Variants in ANKHD1 observed in about 807,000 individuals in gnomAD.
The protein encoded by ANKHD1 is ankyrin repeat and KH domain containing 1.
In ANKHD1, 31 loss-of-function variants were observed where a neutral mutation model predicts 230.5. The ratio of observed to expected loss-of-function variants is 0.13; its 90% CI spans 0.10 to 0.18. The LOEUF is 0.18. Among genes scored for constraint, ANKHD1 ranks in the 10% least tolerant of loss-of-function variants. The pLI, the probability that ANKHD1 is intolerant of heterozygous loss-of-function variation, is 1.00. For missense variants in ANKHD1, 2,256 were observed against 3,071.3 expected (o/e 0.73, Z 6.27); for synonymous variants, 1,074 against 1,117.6 (o/e 0.96, Z 0.78).
At chr5:140,476,906 C>T (rs72798881) in intron 10 of ANKHD1, among the ~76,000 whole-genome samples, 8,322 of 152,042 alleles carry the variant, frequency 0.055, 338 homozygotes, top group Non-Finnish European at 0.08. Context: ...TTAAAAGCCA[C>T]GCTAGAGTCT....
intron 24 of ANKHD1, among the ~76,000 whole-genome samples, chr5:140,514,546 C>T (rs1160176674): frequency 1.3e-5 from 2 of 152,086 alleles, no homozygotes; most frequent in Non-Finnish European, 2.9e-5. Flanking sequence ...GACCAATATT[C>T]TTAATAATAT....
intron 2 of ANKHD1, 58 bp from the exon 3 acceptor site, chr5:140,438,403 C>A: frequency 6.9e-7 from 1 of 1,459,822 alleles, no homozygotes; most frequent in South Asian, 1.5e-5. Context: ...ACAATTTGCA[C>A]TTTTATACTT....
At chr5:140,468,643 GTA>G (rs1257338046) in intron 10 of ANKHD1, among the ~76,000 whole-genome samples, 8 of 152,168 alleles carry the variant, frequency 5.3e-5, no homozygotes, top group Non-Finnish European at 8.8e-5. Flanking sequence ...AATATATTGT[GTA>G]TCTCTCTAGA....
intron 14 of ANKHD1, among the ~76,000 whole-genome samples, chr5:140,492,522 C>T (rs1751853214): frequency 6.6e-6 from 1 of 152,196 alleles, no homozygotes; most frequent in South Asian, 2.1e-4. Context: ...ACACATCATA[C>T]ATCTGTTTAT....
chr5:140,433,277 G>A (rs944003685), intron 1 of ANKHD1, among the ~76,000 whole-genome samples: 1 of 152,194 alleles, frequency 6.6e-6, no homozygotes, highest in Admixed American at 6.5e-5. Flanking sequence ...TGTTGGCCAG[G>A]CTAGTCTTGA....
intron 11 of ANKHD1, among the ~76,000 whole-genome samples, chr5:140,484,235 A>G (rs1170164234): frequency 2.0e-5 from 3 of 152,226 alleles, no homozygotes. Context: ...GATAGGTAGA[A>G]TTAAGAAGGA....
intron 10 of ANKHD1, among the ~76,000 whole-genome samples, chr5:140,475,975 C>T (rs1289986085): frequency 1.3e-5 from 2 of 152,052 alleles, no homozygotes; most frequent in Non-Finnish European, 2.9e-5. Context: ...GAATTATGAA[C>T]ATGTTTATTT....
At chr5:140,515,751 A>C (rs536925110) in intron 24 of ANKHD1, among the ~76,000 whole-genome samples, 189 of 152,320 alleles carry the variant, frequency 1.2e-3, no homozygotes, top group African/African-American at 4.4e-3. Flanking sequence ...TGTTAGAAGG[A>C]AAACTAACAA....
intron 22 of ANKHD1, 29 bp from the exon 23 acceptor site, chr5:140,512,799 C>T (rs771029246): frequency 2.3e-5 from 36 of 1,538,610 alleles, no homozygotes; most frequent in Non-Finnish European, 2.8e-5. Flanking sequence ...TTCATGCTAC[C>T]TTGTCTAAGA....
At chr5:140,477,343 A>G (rs1751023036) in intron 10 of ANKHD1, among the ~76,000 whole-genome samples, 1 of 152,240 alleles carries the variant, frequency 6.6e-6, no homozygotes, top group Non-Finnish European at 1.5e-5. Flanking sequence ...AATGAAACTG[A>G]TGAATCAAAC....
At position 140,528,580 on chromosome 5, in the gene ANKHD1, A is replaced by G; in HGVS notation, c.5634A>G (p.Gly1878=). The change falls in exon 29 of 34, where the codon GGA becomes GGG. Residue 1878 remains glycine (G), a synonymous_variant. Coordinates refer to ENST00000360839, the MANE Select transcript of ANKHD1 (RefSeq NM_017747.3). ...RHPRLPMAQF[G]GTFSPSPNTW... ...CTCGCTTACCCATGGCCCAGTTTGGAGGAACCTTCTCACCTTCTCCTAACA... is the reference window on the plus strand; with the variant it reads ...CTCGCTTACCCATGGCCCAGTTTGGGGGAACCTTCTCACCTTCTCCTAACA... 1 of 1,614,120 alleles carries G rather than the reference A, an allele frequency of 6.2e-7. No individual in the cohort carries two copies.
chr5:140,513,396 A>G lies in ANKHD1; in HGVS notation c.4234A>G (p.Thr1412Ala), dbSNP rs1315657743. 2.5e-6 allele frequency: 4 copies of G among 1,612,878 alleles called. No homozygotes were observed. Among genetic ancestry groups the G allele is most frequent in the African/African-American group, 1.3e-5 (1 of 74,894 alleles). ...LLKKCHQCVE[T>A]IVKAKDQQAA... ...GAAAAAATGTCATCAATGTGTCGAA[A>G]CCATTGTGAAGGCTAAAGACCAGCA... Residue 1412 changes from threonine to alanine, a missense_variant, in exon 24 of 34, where the codon ACC (threonine) becomes GCC (alanine). By Grantham distance (58) the Thr-to-Ala change is moderately conservative. This residue lies in a region of ANKHD1 where 195 missense variants were observed against 340.3 expected (regional missense o/e 0.57). Transcript: ENST00000360839.
rs1331656829 is a variant in ANKHD1, at chr5:140,491,156, A to T, written c.2245+4096A>T. On this transcript the variant is annotated intron_variant, in intron 14 of 33. Transcript: ENST00000360839. ...TATATACACATATATATATATATATATATATTTTTTTTTTTTTTTTTTTTT... is the reference window on the plus strand; with the variant it reads ...TATATACACATATATATATATATATTTATATTTTTTTTTTTTTTTTTTTTT... Among the ~76,000 whole-genome samples, 528 of 94,826 alleles carry T rather than the reference A, an allele frequency of 5.6e-3. 19 individuals are homozygous for T. The highest frequency in any genetic ancestry group is 0.022 in the African/African-American group (488 of 22,470). The allele number at this position is 94,826 out of a possible 152,430, so 62.2% of individuals were successfully genotyped here.
chr5:140,512,266 A>G (rs1752806076), intron 22 of ANKHD1, among the ~76,000 whole-genome samples: 2 of 151,998 alleles, frequency 1.3e-5, no homozygotes, highest in African/African-American at 4.8e-5. Context: ...ATATGCTTAG[A>G]ATTGATTACA....
At chr5:140,500,735 A>C (rs1474993199) in intron 15 of ANKHD1, among the ~76,000 whole-genome samples, 2 of 151,992 alleles carry the variant, frequency 1.3e-5, no homozygotes, top group African/African-American at 2.4e-5. Flanking sequence ...AACTCAGTTC[A>C]GCCAAGTTTA....
At chr5:140,475,746 A>G (rs770140355) in intron 10 of ANKHD1, among the ~76,000 whole-genome samples, 9 of 152,218 alleles carry the variant, frequency 5.9e-5, no homozygotes. Flanking sequence ...ATGGACTCCA[A>G]GAGCCAGACT....
At chr5:140,509,123 GTCTT>G (rs1221069934) in intron 20 of ANKHD1, among the ~76,000 whole-genome samples, 1 of 152,104 alleles carries the variant, frequency 6.6e-6, no homozygotes, top group African/African-American at 2.4e-5. Flanking sequence ...AGAGAAATGA[GTCTT>G]TCCTGTCATT....
In ANKHD1 at chr5:140,504,893, G is replaced by C. The variant is rs181178626; in HGVS notation, c.3077G>C (p.Cys1026Ser). Residue 1026 changes from cysteine (C) to serine (S), a missense_variant, in exon 16 of 34, where the codon TGT becomes TCT. Cys to Ser is a moderately radical substitution (Grantham distance 112). This residue lies in a region of ANKHD1 where 358 missense variants were observed against 397.7 expected (regional missense o/e 0.90). Coordinates refer to ENST00000360839, the MANE Select transcript of ANKHD1 (RefSeq NM_017747.3). Reference protein sequence around the residue: ...QTTECLTPESCSQTTSNVASQ... With the variant: ...QTTECLTPESSSQTTSNVASQ... Reference sequence around the variant, plus strand: ...ACAGAGTGTCTTACACCTGAATCCTGTTCGCAGACTACAAGCAATGTGGCT... The same window carrying C: ...ACAGAGTGTCTTACACCTGAATCCTCTTCGCAGACTACAAGCAATGTGGCT... The C allele has an allele frequency of 5.0e-4, 804 of 1,614,174 alleles. 8 individuals carry two copies. In the East Asian group the frequency reaches 0.013, roughly 26 times the overall value.
At chr5:140,414,837 CAA>C (rs35534779) in intron 1 of ANKHD1, among the ~76,000 whole-genome samples, 9 of 138,744 alleles carry the variant, frequency 6.5e-5, no homozygotes, top group Admixed American at 1.4e-4. Context: ...GACCCTGTCT[CAA>C]AAAAAAAAAA....
Sources: gnomAD v4.1 joint callset for allele counts (sites outside exome capture counted in the v4.1 genomes callset) on GRCh38, gnomAD v4.1.1 for gene constraint, gnomAD v4.1.1 regional missense constraint, MANE v1.5 for transcripts, NCBI Gene and HGNC (gene_info 2026-07-23, HGNC 2026-07-21) for gene names.